Variants in EYS observed in about 807,000 individuals in gnomAD.
EYS encodes the protein protein eyes shut homolog.
EYS carries 250 observed loss-of-function variants against 282.1 expected under a neutral mutation model. That is an observed-to-expected ratio of 0.89 (90% CI 0.80 to 0.98). The LOEUF (loss-of-function observed/expected upper bound fraction) is 0.98, where lower values mean the gene tolerates loss of function less well. Among genes scored for constraint, EYS ranks in the 50% least tolerant of loss-of-function variants. The pLI is 0.00. For missense variants in EYS, 4,016 were observed against 3,709.0 expected, an observed-to-expected ratio of 1.08 and a Z score of -2.15; for synonymous variants, 1,355 against 1,282.9, an observed-to-expected ratio of 1.06 and a Z score of -1.20.
At chr6:65,447,362 T>TTATATA (rs1168067868) in intron 5 of EYS, among the ~76,000 whole-genome samples, 1 of 112,440 alleles carries the variant, frequency 8.9e-6, no homozygotes, top group East Asian at 3.0e-4. Flanking sequence ...ATGTATATAG[T>TTATATA]TATATATATA....
chr6:64,486,343 C>G lies in EYS; in HGVS notation c.5645-46991G>C, dbSNP rs184678569. 4.6e-5 allele frequency among the ~76,000 whole-genome samples: 7 copies of G among 151,412 alleles called. No homozygotes were observed. The East Asian group carries it at 1.4e-3, about 30-fold the overall frequency. The stretch of plus-strand genomic sequence containing the variant: ...CAGTATCTTGCATTGTCTTACAACT[C>G]GCTCCAGAGTATCTGTCAGATAACA... On this transcript the variant is annotated intron_variant, in intron 26 of 42. Transcript: ENST00000503581.
chr6:64,531,931 T>C (rs1292841305), intron 26 of EYS, among the ~76,000 whole-genome samples: 1 of 152,128 alleles, frequency 6.6e-6, no homozygotes, highest in East Asian at 1.9e-4. Context: ...AAAAAAATTC[T>C]TTCAAGTCCT....
chr6:64,390,102 G>A (rs988233464), intron 28 of EYS, among the ~76,000 whole-genome samples: 9 of 152,202 alleles, frequency 5.9e-5, no homozygotes, highest in African/African-American at 1.2e-4. Flanking sequence ...ATTATATCCC[G>A]CACCTGGCTC....
chr6:64,033,871 AG>A (rs1769986820), intron 33 of EYS, among the ~76,000 whole-genome samples: 1 of 150,736 alleles, frequency 6.6e-6, no homozygotes. Context: ...TAAAATTGGG[AG>A]TGGACTTACA....
At chr6:65,004,742 G>T (rs1377155859) in intron 13 of EYS, among the ~76,000 whole-genome samples, 1 of 147,068 alleles carries the variant, frequency 6.8e-6, no homozygotes, top group Non-Finnish European at 1.5e-5. Context: ...TCAGCATAAA[G>T]GCATCCAATT....
intron 14 of EYS, among the ~76,000 whole-genome samples, chr6:64,970,046 C>T (rs773089372): frequency 6.6e-6 from 1 of 151,540 alleles, no homozygotes; most frequent in Non-Finnish European, 1.5e-5. Flanking sequence ...TGGACACATA[C>T]ATTTATAAGC....
chr6:64,696,835 C>T (rs1256092337), intron 22 of EYS, among the ~76,000 whole-genome samples: 1 of 152,002 alleles, frequency 6.6e-6, no homozygotes, highest in East Asian at 1.9e-4. Context: ...ACAAGAAATG[C>T]CCAAAGGTGT....
At chr6:64,317,574 G>A (rs750608672) in intron 29 of EYS, among the ~76,000 whole-genome samples, 22 of 152,112 alleles carry the variant, frequency 1.4e-4, no homozygotes, top group Non-Finnish European at 2.8e-4. Flanking sequence ...CTTTTACACT[G>A]TTGGTGGGAG....
intron 35 of EYS, among the ~76,000 whole-genome samples, chr6:63,931,626 G>A (rs370095057): frequency 1.3e-5 from 2 of 152,072 alleles, no homozygotes; most frequent in East Asian, 3.8e-4. Flanking sequence ...TTGTTAACAT[G>A]TTTTTCTTTT....
chr6:64,313,905 G>A (rs1769828403), intron 29 of EYS, among the ~76,000 whole-genome samples: 1 of 152,092 alleles, frequency 6.6e-6, no homozygotes, highest in South Asian at 2.1e-4. Flanking sequence ...ACCAGCCACT[G>A]CAAAAACATA....
At chr6:64,750,680 A>T (rs79025104) in intron 22 of EYS, among the ~76,000 whole-genome samples, 3,172 of 152,260 alleles carry the variant, frequency 0.021, 108 homozygotes, top group African/African-American at 0.069. Flanking sequence ...TTCTTCTACG[A>T]TGTTGGATTG....
intron 28 of EYS, among the ~76,000 whole-genome samples, chr6:64,393,684 G>A (rs551085673): frequency 0.018 from 2,677 of 151,250 alleles, 32 homozygotes; most frequent in Non-Finnish European, 0.026. Flanking sequence ...CATACTGAAT[G>A]GGCAAAAACT....
At chr6:64,938,303 T>TA (rs1334332741) in intron 15 of EYS, among the ~76,000 whole-genome samples, 2 of 151,578 alleles carry the variant, frequency 1.3e-5, no homozygotes, top group African/African-American at 4.8e-5. Flanking sequence ...AACCATGCTC[T>TA]AAAAATAGAT....
intron 22 of EYS, among the ~76,000 whole-genome samples, chr6:64,637,491 T>C (rs1245675746): frequency 1.2e-5 from 1 of 85,430 alleles, no homozygotes; most frequent in Non-Finnish European, 2.5e-5. Flanking sequence ...ATACCTAATG[T>C]TAAATGACGA....
chr6:64,403,857 C>A (rs940345082), intron 28 of EYS, among the ~76,000 whole-genome samples: 1 of 152,044 alleles, frequency 6.6e-6, no homozygotes, highest in Non-Finnish European at 1.5e-5. Flanking sequence ...AAGACACCTT[C>A]AAAATGACAT....
chr6:64,304,091 A>G (rs1769346802), intron 30 of EYS, among the ~76,000 whole-genome samples: 1 of 152,132 alleles, frequency 6.6e-6, no homozygotes, highest in African/African-American at 2.4e-5. Context: ...GACTTTTGTC[A>G]TTTAATCTGC....
chr6:65,246,262 T>G (rs1273295415), intron 12 of EYS, among the ~76,000 whole-genome samples: 1 of 152,100 alleles, frequency 6.6e-6, no homozygotes, highest in Admixed American at 6.6e-5. Context: ...AGTTTGCAGT[T>G]GATGAAACTG....
chr6:64,659,157 G>A (rs1583007852), intron 22 of EYS, among the ~76,000 whole-genome samples: 3 of 151,766 alleles, frequency 2.0e-5, no homozygotes, highest in Middle Eastern at 3.4e-3. Flanking sequence ...ACAAAATGAA[G>A]GAAGAAATAA....
intron 2 of EYS, among the ~76,000 whole-genome samples, chr6:65,561,935 A>C (rs974493411): frequency 1.3e-5 from 2 of 151,686 alleles, no homozygotes; most frequent in Non-Finnish European, 2.9e-5. Context: ...GGTTATAAAA[A>C]TACAGTATTT....
Sources: allele counts gnomAD v4.1 joint callset (sites outside exome capture counted in the v4.1 genomes callset), GRCh38; gene constraint gnomAD v4.1.1; transcripts MANE v1.5; gene names NCBI Gene and HGNC (gene_info 2026-07-23, HGNC 2026-07-21).